The following KCNAB2 variants were observed in gnomAD, a reference collection of about 807,000 sequenced individuals.
The protein encoded by KCNAB2 is potassium voltage-gated channel subfamily A regulatory beta subunit 2.
KCNAB2 carries 29 observed loss-of-function variants against 63.6 expected under a neutral mutation model. That is an observed-to-expected ratio of 0.46 (90% CI 0.34 to 0.62). The LOEUF (loss-of-function observed/expected upper bound fraction) is 0.62, where lower values mean the gene tolerates loss of function less well. Among genes scored for constraint, KCNAB2 ranks in the 20% least tolerant of loss-of-function variants. KCNAB2 has a pLI of 0.01. For synonymous variants in KCNAB2, 222 were observed against 224.2 expected (o/e 0.99, Z 0.09); for missense variants, 359 against 563.9 (o/e 0.64, Z 3.68).
chr1:6,042,769 A>G (rs1460264140), upstream of KCNAB2, among the ~76,000 whole-genome samples: 1 of 151,610 alleles, frequency 6.6e-6, no homozygotes, highest in Non-Finnish European at 1.5e-5. Context: ...ATCGTTGCCA[A>G]TGTGCCAGGC....
intron 1 of KCNAB2, among the ~76,000 whole-genome samples, chr1:6,039,243 TG>T (rs1660300830): frequency 6.6e-6 from 1 of 152,116 alleles, no homozygotes; most frequent in Non-Finnish European, 1.5e-5. Flanking sequence ...GGCGGGGGCC[TG>T]GGTCAAGGGC....
At chr1:6,091,374 T>C (rs1665172495) in intron 10 of KCNAB2, 67 bp downstream of exon 10, 3 of 1,141,766 alleles carry the variant, frequency 2.6e-6, no homozygotes, top group Non-Finnish European at 3.8e-6. Context: ...GACAGTATTT[T>C]TATTTACATG....
chr1:6,088,122 C>A (rs1319698097), intron 7 of KCNAB2, among the ~76,000 whole-genome samples: 1 of 151,958 alleles, frequency 6.6e-6, no homozygotes, highest in Non-Finnish European at 1.5e-5. Context: ...CGCAGTGCCA[C>A]AATCACAGCT....
chr1:6,041,928 G>A (rs375076074), upstream of KCNAB2: 965 of 1,500,874 alleles, frequency 6.4e-4, 2 homozygotes, highest in South Asian at 8.1e-4. Context: ...GGGAGCGGGT[G>A]GGAGGACTGC....
upstream of KCNAB2, chr1:6,041,993 C>A: frequency 1.2e-6 from 1 of 834,464 alleles, no homozygotes; most frequent in South Asian, 1.4e-5. Flanking sequence ...GCCCCCGAGA[C>A]CCCCAGGCTC....
rs989465874 is a variant in KCNAB2, at chr1:6,024,615, C to T, written c.-52-15902C>T. Among the ~76,000 whole-genome samples, 4 of 152,220 alleles carry T rather than the reference C, an allele frequency of 2.6e-5. No individual in the cohort carries two copies. The highest frequency in any genetic ancestry group is 7.2e-5 in the African/African-American group (3 of 41,452). On this transcript the variant is annotated intron_variant, in intron 1 of 16. Transcript: ENST00000341524. This position sits in a 1 kb window ranked among gnomAD's most constrained non-coding sequence, Gnocchi z 5.4. ...GCATCCCCTAGCTTTTACCTCTGCTCGTGAGATTCAGCATCTGCAGCTGTG... is the reference window on the plus strand; with the variant it reads ...GCATCCCCTAGCTTTTACCTCTGCTTGTGAGATTCAGCATCTGCAGCTGTG...
chr1:6,014,063 G>A (rs2100290302), intron 1 of KCNAB2, among the ~76,000 whole-genome samples: 1 of 152,318 alleles, frequency 6.6e-6, no homozygotes, highest in Admixed American at 6.5e-5. Flanking sequence ...AACCTCATAG[G>A]ATTATGGGGC....
intron 2 of KCNAB2, chr1:6,040,714 G>T: frequency 1.0e-6 from 1 of 974,240 alleles, no homozygotes; most frequent in Non-Finnish European, 1.6e-6. Flanking sequence ...GGTTCCCAAG[G>T]CCACTGTCCT....
intron 1 of KCNAB2, chr1:6,040,492 C>G (rs1293537692): frequency 1.4e-5 from 18 of 1,250,732 alleles, no homozygotes; most frequent in Non-Finnish European, 2.1e-5. Context: ...CCCTCTTCCC[C>G]TCCCTTATTT....
chr1:6,045,180 C>A (rs1367896734), upstream of KCNAB2, among the ~76,000 whole-genome samples: 2 of 152,188 alleles, frequency 1.3e-5, no homozygotes, highest in South Asian at 4.1e-4. This position sits in a 1 kb window ranked among gnomAD's most constrained non-coding sequence, Gnocchi z 4.8. Context: ...CTGTCCCCCA[C>A]CTTCCCCCAT....
intron 1 of KCNAB2, among the ~76,000 whole-genome samples, chr1:6,004,971 GGGAT>G (rs1557920854): frequency 1.0e-4 from 13 of 128,202 alleles, no homozygotes; most frequent in Non-Finnish European, 1.9e-4. Context: ...GCTGAGCTGA[GGGAT>G]GAGGGTGCAG....
At chr1:6,067,375 T>C (rs1557476004) in intron 2 of KCNAB2, among the ~76,000 whole-genome samples, 1 of 152,182 alleles carries the variant, frequency 6.6e-6, no homozygotes, top group African/African-American at 2.4e-5. Context: ...TCTCATTGCA[T>C]TTGGGAATCT....
At chr1:6,095,507 C>A (rs757400175) in intron 12 of KCNAB2, 23 bp from the exon 13 acceptor site, 26 of 1,556,758 alleles carry the variant, frequency 1.7e-5, no homozygotes, top group Non-Finnish European at 2.2e-5. Flanking sequence ...CAGGGCTTGA[C>A]TCCACCTGCT....
chr1:6,082,548 C>T (rs1346853500), intron 5 of KCNAB2, among the ~76,000 whole-genome samples: 3 of 152,152 alleles, frequency 2.0e-5, no homozygotes, highest in South Asian at 2.1e-4. Flanking sequence ...GGGTGAGAGG[C>T]GCGATGGAGC....
chr1:6,018,144 G>A (rs145609801), intron 1 of KCNAB2, among the ~76,000 whole-genome samples: 1 of 151,846 alleles, frequency 6.6e-6, no homozygotes, highest in Admixed American at 6.6e-5. Flanking sequence ...GTGTTGCCCA[G>A]GCTGGTTTTG....
Position 6,055,571 on chromosome 1 carries a change from G to T in KCNAB2, c.218+3817G>T, listed in dbSNP as rs1269493626. Reference sequence around the variant, plus strand: ...GAGTTTTGTCATGTTGACCACGCTGGTCTCAAACTCCTGACCTCAGGTGAT... The same window carrying T: ...GAGTTTTGTCATGTTGACCACGCTGTTCTCAAACTCCTGACCTCAGGTGAT... On this transcript the variant is annotated intron_variant, in intron 2 of 15. Transcript: ENST00000378083. 5.3e-5 allele frequency among the ~76,000 whole-genome samples: 8 copies of T among 152,094 alleles called. No homozygotes were observed. The East Asian group carries it at 1.2e-3, about 22-fold the overall frequency.
chr1:6,081,130 A>C (rs1664175180), intron 4 of KCNAB2, among the ~76,000 whole-genome samples: 1 of 152,228 alleles, frequency 6.6e-6, no homozygotes, highest in Non-Finnish European at 1.5e-5. Flanking sequence ...CATGGAGCAC[A>C]ATCGCGTCCT....
At chr1:6,050,288 G>A (rs1661277458) in intron 1 of KCNAB2, among the ~76,000 whole-genome samples, 1 of 152,242 alleles carries the variant, frequency 6.6e-6, no homozygotes, top group African/African-American at 2.4e-5. Context: ...CTTCCCCTCT[G>A]CACCTTCTCT....
chr1:6,056,053 G>GT (rs139394875), intron 2 of KCNAB2, among the ~76,000 whole-genome samples: 34 of 151,414 alleles, frequency 2.2e-4, no homozygotes, highest in South Asian at 1.0e-3. Context: ...CACTTCCCCA[G>GT]TTTTTTTTTG....
Sources: allele counts gnomAD v4.1 joint callset (sites outside exome capture counted in the v4.1 genomes callset), GRCh38; gene constraint gnomAD v4.1.1; non-coding constraint Gnocchi (gnomAD v3.1); transcripts MANE v1.5; gene names NCBI Gene and HGNC (gene_info 2026-07-23, HGNC 2026-07-21).